GLI2: variants seen among roughly 807,000 people sequenced by gnomAD.
GLI2 encodes transcription activator GLI2.
GLI2 carries 22 observed loss-of-function variants against 78.9 expected under a neutral mutation model. The observed-to-expected ratio is 0.28, with a 90% CI of 0.20 to 0.40. The LOEUF is 0.40. Among genes scored for constraint, GLI2 ranks in the 10% least tolerant of loss-of-function variants. The probability of loss-of-function intolerance (pLI) is 1.00; values close to 1 mark genes in which losing one functional copy is unlikely to be tolerated. For synonymous variants in GLI2, 974 were observed against 963.7 expected, an observed-to-expected ratio of 1.01 and a Z score of -0.20; for missense variants, 2,097 against 2,213.2, an observed-to-expected ratio of 0.95 and a Z score of 1.05.
At chr2:120,870,538 G>A (rs1238349231) in intron 2 of GLI2, among the ~76,000 whole-genome samples, 1 of 152,186 alleles carries the variant, frequency 6.6e-6, no homozygotes, top group Non-Finnish European at 1.5e-5. Context: ...TTGGAGTATG[G>A]CCTCAGCGGA....
Position 120,927,428 on chromosome 2 carries a change from G to A in GLI2, c.216G>A (p.Arg72=), listed in dbSNP as rs1679738497. The change falls in exon 3 of 14, where the codon AGG becomes AGA. Residue 72 remains arginine (R), a synonymous_variant. Coordinates refer to ENST00000361492, the MANE Select transcript of GLI2 (RefSeq NM_001374353.1). The part of the protein sequence containing the change: ...LPIDMRHQEG[R]YHYEPHSVHG... Reference sequence around the variant, plus strand: ...TTGACATGCGACACCAGGAAGGAAGGTACCATTACGAGCCTCATTCTGTCC... The same window carrying A: ...TTGACATGCGACACCAGGAAGGAAGATACCATTACGAGCCTCATTCTGTCC... 1.2e-6 allele frequency: 2 copies of A among 1,613,806 alleles called. No homozygotes were observed. Among genetic ancestry groups the A allele is most frequent in the Admixed American group, 1.7e-5 (1 of 60,010 alleles).
chr2:120,945,599 G>C (rs1680669502), intron 3 of GLI2, among the ~76,000 whole-genome samples: 1 of 152,178 alleles, frequency 6.6e-6, no homozygotes, highest in Admixed American at 6.5e-5. Context: ...AAGGATACTA[G>C]CTTTAGACAG....
At chr2:120,942,678 G>A (rs188818209) in intron 3 of GLI2, among the ~76,000 whole-genome samples, 2 of 152,306 alleles carry the variant, frequency 1.3e-5, no homozygotes, top group African/African-American at 2.4e-5. Context: ...GATCACTGTC[G>A]TAACTGTTCA....
intron 1 of GLI2, among the ~76,000 whole-genome samples, chr2:120,764,144 G>C (rs1453004467): frequency 6.6e-6 from 1 of 152,252 alleles, no homozygotes; most frequent in Non-Finnish European, 1.5e-5. Flanking sequence ...AGGGCTTCAG[G>C]GAGGGTAGGC....
At chr2:120,797,573 T>C (rs957971989) in intron 2 of GLI2, 105 bp downstream of exon 2, 12 of 1,115,512 alleles carry the variant, frequency 1.1e-5, no homozygotes, top group Non-Finnish European at 1.6e-5. Flanking sequence ...GCATGCTGGG[T>C]TTATGGAGGG....
At chr2:120,924,997 A>G (rs879486113) in intron 2 of GLI2, among the ~76,000 whole-genome samples, 2 of 152,250 alleles carry the variant, frequency 1.3e-5, no homozygotes, top group Non-Finnish European at 2.9e-5. Context: ...TCAGAGAGGC[A>G]AAGAAACTTA....
At chr2:120,782,804 G>A (rs1189764211) in intron 1 of GLI2, among the ~76,000 whole-genome samples, 1 of 152,218 alleles carries the variant, frequency 6.6e-6, no homozygotes, top group East Asian at 1.9e-4. Flanking sequence ...AGTCAAAAAT[G>A]TCTCCAGATA....
chr2:120,984,820 G>A (rs1046897709), intron 12 of GLI2, 77 bp downstream of exon 12: 96 of 1,505,874 alleles, frequency 6.4e-5, no homozygotes, highest in Non-Finnish European at 7.3e-5. Context: ...CCACGGTTGC[G>A]GGCTCTGCCC....
At chr2:120,839,773 G>A (rs1264440967) in intron 2 of GLI2, among the ~76,000 whole-genome samples, 1 of 152,090 alleles carries the variant, frequency 6.6e-6, no homozygotes, top group Non-Finnish European at 1.5e-5. Context: ...ATGTTGGCCA[G>A]GCTGGTCATG....
chr2:120,928,586 A>G (rs934137679), intron 3 of GLI2, among the ~76,000 whole-genome samples: 3 of 152,122 alleles, frequency 2.0e-5, no homozygotes, highest in Admixed American at 1.3e-4. Context: ...CCACCTATGA[A>G]GGCACATCCT....
intron 2 of GLI2, among the ~76,000 whole-genome samples, chr2:120,912,503 C>A (rs1352264828): frequency 6.6e-6 from 1 of 152,064 alleles, no homozygotes; most frequent in Non-Finnish European, 1.5e-5. Flanking sequence ...ACACCGTATC[C>A]CAGCAAAGAG....
intron 1 of GLI2, among the ~76,000 whole-genome samples, chr2:120,747,719 G>T (rs1183186958): frequency 6.6e-6 from 1 of 152,182 alleles, no homozygotes; most frequent in East Asian, 1.9e-4. Flanking sequence ...AACCCTGAGT[G>T]GGGGCACATC....
At chr2:120,904,871 G>A (rs1031182274) in intron 2 of GLI2, among the ~76,000 whole-genome samples, 3 of 152,162 alleles carry the variant, frequency 2.0e-5, no homozygotes, top group African/African-American at 4.8e-5. Flanking sequence ...CCTGTGCTTC[G>A]GCCTCTGGCC....
At chr2:120,754,736 T>G (rs754672494) in intron 1 of GLI2, among the ~76,000 whole-genome samples, 10 of 152,236 alleles carry the variant, frequency 6.6e-5, no homozygotes, top group Non-Finnish European at 1.2e-4. Context: ...CATTTCTGTA[T>G]AAGTCATTGT....
intron 3 of GLI2, among the ~76,000 whole-genome samples, chr2:120,942,976 TCAC>T (rs1680534974): frequency 1.3e-5 from 2 of 152,096 alleles, no homozygotes; most frequent in Non-Finnish European, 2.9e-5. Flanking sequence ...ACGCCCTCAC[TCAC>T]TCATTCATTC....
chr2:120,775,195 G>A (rs576861821), intron 1 of GLI2, among the ~76,000 whole-genome samples: 3 of 151,362 alleles, frequency 2.0e-5, no homozygotes, highest in African/African-American at 4.9e-5. Context: ...ATATGGGCCC[G>A]CTCAGCATTT....
chr2:120,937,153 C>T (rs149581983), intron 3 of GLI2, among the ~76,000 whole-genome samples: 46 of 152,290 alleles, frequency 3.0e-4, no homozygotes, highest in African/African-American at 1.1e-3. Context: ...TCTTAATGCT[C>T]GTTCCTCTGA....
intron 2 of GLI2, among the ~76,000 whole-genome samples, chr2:120,843,975 G>A (rs1687000011): frequency 1.3e-5 from 2 of 152,064 alleles, no homozygotes; most frequent in African/African-American, 4.8e-5. Flanking sequence ...CCAGGAGTGT[G>A]GTTTTGCTGG....
At chr2:120,949,435 T>G (rs114428688) in intron 3 of GLI2, among the ~76,000 whole-genome samples, 3,366 of 152,332 alleles carry the variant, frequency 0.022, 131 homozygotes, top group African/African-American at 0.078. Context: ...GTGCTGAGCA[T>G]GCAGAAGAGC....
Sources: gnomAD v4.1 joint callset for allele counts (sites outside exome capture counted in the v4.1 genomes callset) on GRCh38, gnomAD v4.1.1 for gene constraint, MANE v1.5 for transcripts, NCBI Gene and HGNC (gene_info 2026-07-23, HGNC 2026-07-21) for gene names.